Variants in DPP10 observed in about 807,000 individuals in gnomAD.
The protein encoded by DPP10 is inactive dipeptidyl peptidase 10.
DPP10 carries 33 observed loss-of-function variants against 120.9 expected under a neutral mutation model. That is an observed-to-expected ratio of 0.27 (90% CI 0.21 to 0.37). The LOEUF is 0.37. DPP10 is among the 10% of genes least tolerant of loss of function. The pLI is 1.00. For synonymous variants in DPP10, 337 were observed against 326.1 expected, an observed-to-expected ratio of 1.03 and a Z score of -0.36; for missense variants, 816 against 942.8, an observed-to-expected ratio of 0.87 and a Z score of 1.76.
rs574443323 is a variant in DPP10 at position 115,144,441 on chromosome 2, G to A, written c.61-164798G>A. On this transcript the variant is annotated intron_variant, in intron 1 of 25. Transcript: ENST00000410059. ...TAGTTAAGAGTACACAATTATTCAGGAAATTGTAACTTTGATGTATTTAAA... is the reference window on the plus strand; with the variant it reads ...TAGTTAAGAGTACACAATTATTCAGAAAATTGTAACTTTGATGTATTTAAA... 2.0e-5 allele frequency: 3 copies of A among 152,072 alleles called. No individual in the cohort carries two copies. In the South Asian group the frequency reaches 6.2e-4, roughly 32 times the overall value. 9.4% of individuals were successfully genotyped at this position (152,072 alleles called of 1,614,324 possible).
chr2:115,163,331 C>T (rs1350146989), intron 1 of DPP10, among the ~76,000 whole-genome samples: 1 of 152,100 alleles, frequency 6.6e-6, no homozygotes, highest in African/African-American at 2.4e-5. Flanking sequence ...TTTCTTTTCT[C>T]CTCTTCCCTC....
chr2:114,569,379 A>C (rs951744712), intron 1 of DPP10, among the ~76,000 whole-genome samples: 1 of 152,072 alleles, frequency 6.6e-6, no homozygotes, highest in Non-Finnish European at 1.5e-5. Flanking sequence ...ACAAATAAAC[A>C]CTCCCAACTT....
chr2:114,443,708 A>T (rs1192397246), intron 1 of DPP10, among the ~76,000 whole-genome samples: 1 of 151,692 alleles, frequency 6.6e-6, no homozygotes, highest in Non-Finnish European at 1.5e-5. Flanking sequence ...TGAAAAAAAA[A>T]AAAAAACTAA....
At chr2:115,000,847 A>G (rs1410232772) in intron 1 of DPP10, among the ~76,000 whole-genome samples, 1 of 152,198 alleles carries the variant, frequency 6.6e-6, no homozygotes, top group Non-Finnish European at 1.5e-5. Flanking sequence ...AATTTCTGCC[A>G]AACTTAGTTC....
At chr2:114,558,353 A>G (rs949299822) in intron 1 of DPP10, among the ~76,000 whole-genome samples, 1 of 152,178 alleles carries the variant, frequency 6.6e-6, no homozygotes, top group Non-Finnish European at 1.5e-5. Context: ...TCTTGAATGC[A>G]TCGAGTTTTT....
intron 10 of DPP10, among the ~76,000 whole-genome samples, chr2:115,749,258 T>G (rs1338438180): frequency 1.3e-5 from 2 of 152,226 alleles, no homozygotes; most frequent in Non-Finnish European, 2.9e-5. Flanking sequence ...ATGAAGATTT[T>G]CCACAGATTG....
At chr2:115,664,647 G>A (rs2089295213) in intron 5 of DPP10, among the ~76,000 whole-genome samples, 1 of 152,154 alleles carries the variant, frequency 6.6e-6, no homozygotes, top group African/African-American at 2.4e-5. Flanking sequence ...AAGACAGTTG[G>A]TATTTAGCTG....
intron 1 of DPP10, among the ~76,000 whole-genome samples, chr2:114,973,485 C>T (rs2104802625): frequency 6.6e-6 from 1 of 151,488 alleles, no homozygotes; most frequent in East Asian, 2.0e-4. Context: ...CACGGTGAAA[C>T]CCCGTCTCTA....
At chr2:115,790,751 G>C (rs1428786618) in intron 17 of DPP10, among the ~76,000 whole-genome samples, 1 of 152,024 alleles carries the variant, frequency 6.6e-6, no homozygotes, top group East Asian at 1.9e-4. Context: ...CTTTTAATTG[G>C]TATAGGTACC....
At chr2:115,074,056 G>A (rs746893786) in intron 1 of DPP10, among the ~76,000 whole-genome samples, 18 of 152,150 alleles carry the variant, frequency 1.2e-4, no homozygotes, top group Non-Finnish European at 1.9e-4. Flanking sequence ...CTGTTTTCCT[G>A]GCTGGAGTGC....
chr2:114,941,910 A>G (rs1421988565), intron 1 of DPP10, among the ~76,000 whole-genome samples: 1 of 152,050 alleles, frequency 6.6e-6, no homozygotes, highest in Non-Finnish European at 1.5e-5. Flanking sequence ...AAAAACATGA[A>G]ATCAATATGG....
chr2:114,762,046 G>A (rs530266830), intron 1 of DPP10, among the ~76,000 whole-genome samples: 58 of 152,198 alleles, frequency 3.8e-4, no homozygotes, highest in East Asian at 5.8e-4. Context: ...ACTCTCCCCC[G>A]TCTAAGCACA....
Position 114,924,525 on chromosome 2 carries a change from C to CA in DPP10, c.61-384702dup, listed in dbSNP as rs59764051. Among the ~76,000 whole-genome samples the CA allele has an allele frequency of 5.5e-3, 629 of 114,390 alleles. 2 individuals carry two copies. The highest frequency in any genetic ancestry group is 0.017 in the African/African-American group (492 of 29,688). The allele number at this position is 114,390 out of a possible 152,430, so 75.0% of individuals were successfully genotyped here. A position where few individuals can be genotyped will look rare whatever the true frequency, so the allele number is the denominator to read the frequency against. On this transcript the variant is annotated intron_variant, in intron 1 of 25. Coordinates refer to ENST00000410059, the MANE Select transcript of DPP10 (RefSeq NM_020868.6). ...TGGGCAACAGAGTGAGAATCTGTCT[C>CA]AAAAAAAAAAAAGAAAGAGGAAAAA...
chr2:115,829,597 A>G (rs1688718481), intron 21 of DPP10, among the ~76,000 whole-genome samples: 1 of 152,174 alleles, frequency 6.6e-6, no homozygotes, highest in East Asian at 1.9e-4. Context: ...AGAAGAATTA[A>G]AATAGTCACA....
At chr2:114,757,689 C>T (rs1027958724) in intron 1 of DPP10, among the ~76,000 whole-genome samples, 8 of 152,086 alleles carry the variant, frequency 5.3e-5, no homozygotes, top group Non-Finnish European at 1.0e-4. Context: ...GTCCCCTGAC[C>T]AACAGCATCT....
intron 21 of DPP10, among the ~76,000 whole-genome samples, chr2:115,831,070 A>G (rs1203613417): frequency 6.6e-6 from 1 of 152,144 alleles, no homozygotes; most frequent in Non-Finnish European, 1.5e-5. Flanking sequence ...TTGTGATAAA[A>G]TGTGAGTGAT....
At chr2:114,767,724 T>C (rs940035342) in intron 1 of DPP10, among the ~76,000 whole-genome samples, 5 of 152,158 alleles carry the variant, frequency 3.3e-5, no homozygotes, top group African/African-American at 1.2e-4. Context: ...TAAGAACTTT[T>C]AATACTCACC....
chr2:115,161,905 C>T (rs2052401969), intron 1 of DPP10: 2 of 1,433,816 alleles, frequency 1.4e-6, no homozygotes, highest in East Asian at 3.1e-5. Context: ...AGTGACGGTC[C>T]CCGAGTCTGA....
intron 5 of DPP10, among the ~76,000 whole-genome samples, chr2:115,626,038 GA>G (rs1253898414): frequency 4.5e-4 from 56 of 125,428 alleles, no homozygotes; most frequent in South Asian, 4.3e-3. Flanking sequence ...TGGCCAAAAA[GA>G]AAAAAAAAAA....
Sources: gnomAD v4.1 joint callset for allele counts (sites outside exome capture counted in the v4.1 genomes callset) on GRCh38, gnomAD v4.1.1 for gene constraint, MANE v1.5 for transcripts, NCBI Gene and HGNC (gene_info 2026-07-23, HGNC 2026-07-21) for gene names.